The following NCOA7 variants were observed in gnomAD, a reference collection of about 807,000 sequenced individuals.
The protein encoded by NCOA7 is nuclear receptor coactivator 7, also known as 140 kDa estrogen receptor-associated protein.
NCOA7 carries 45 observed loss-of-function variants against 104.3 expected under a neutral mutation model. That is an observed-to-expected ratio of 0.43 (90% CI 0.34 to 0.55). The LOEUF (loss-of-function observed/expected upper bound fraction) is 0.55. Among genes scored for constraint, NCOA7 ranks in the 20% least tolerant of loss-of-function variants. The pLI is 0.02. For missense variants in NCOA7, 1,041 were observed against 1,119.7 expected (o/e 0.93, Z 1.00); for synonymous variants, 398 against 402.3 (o/e 0.99, Z 0.13).
chr6:125,863,954 G>C (rs1782242964), intron 3 of NCOA7, among the ~76,000 whole-genome samples: 1 of 137,742 alleles, frequency 7.3e-6, no homozygotes, highest in South Asian at 2.2e-4. Flanking sequence ...ATGAATTTTG[G>C]GGGAACATAA....
chr6:125,829,878 G>A (rs926591720), intron 2 of NCOA7, among the ~76,000 whole-genome samples: 15 of 152,288 alleles, frequency 9.8e-5, no homozygotes, highest in African/African-American at 3.4e-4. Context: ...ATGTTAACTT[G>A]ATATTTTTCT....
chr6:125,889,713 A>G lies in NCOA7; in HGVS notation c.1659A>G (p.Pro553=). The change falls in exon 9 of 16, where the codon CCA becomes CCG. Residue 553 remains proline, a synonymous_variant. Coordinates refer to ENST00000392477, the MANE Select transcript of NCOA7 (RefSeq NM_181782.5). ...TAAGTGATGGAAAAAGTATTGAACC[A>G]GGGGGAATAGACATTACCCTTAGTA... ...TELSDGKSIE[P]GGIDITLSSS... is the part of the protein sequence containing the mutation. The G allele has an allele frequency of 2.5e-6, 4 of 1,614,068 alleles. No individual in the cohort carries two copies. Among genetic ancestry groups the G allele is most frequent in the Non-Finnish European group, 3.4e-6 (4 of 1,179,980 alleles).
At chr6:125,861,696 C>T (rs769154346) in intron 3 of NCOA7, among the ~76,000 whole-genome samples, 1 of 152,060 alleles carries the variant, frequency 6.6e-6, no homozygotes, top group Non-Finnish European at 1.5e-5. Context: ...AGAGGACAAA[C>T]CTGAGGTGTG....
intron 10 of NCOA7, 150 bp from the exon 11 acceptor site, chr6:125,915,183 A>G: frequency 1.2e-6 from 1 of 860,442 alleles, no homozygotes; most frequent in African/African-American, 1.7e-5. Flanking sequence ...TGAGTATGGA[A>G]GTAGAGATAA....
intron 3 of NCOA7, among the ~76,000 whole-genome samples, chr6:125,866,338 G>GA (rs566386722): frequency 4.8e-5 from 7 of 145,752 alleles, no homozygotes; most frequent in Admixed American, 1.4e-4. Context: ...TCAGAAAAAA[G>GA]AAAAAAAAAA....
intron 10 of NCOA7, among the ~76,000 whole-genome samples, chr6:125,891,415 G>T (rs1363617579): frequency 6.6e-6 from 1 of 152,150 alleles, no homozygotes; most frequent in Non-Finnish European, 1.5e-5. Context: ...ATATCACTGA[G>T]GATGTCTTTA....
chr6:125,836,158 A>G (rs2128597981), intron 2 of NCOA7, among the ~76,000 whole-genome samples: 2 of 152,342 alleles, frequency 1.3e-5, no homozygotes, highest in South Asian at 2.1e-4. Flanking sequence ...AGAAAACTCA[A>G]TTTAGTGTTT....
In NCOA7 at chr6:125,916,556, TA is replaced by T. The variant is rs560411411; in HGVS notation, c.2244+1077del. On this transcript the variant is annotated intron_variant, in intron 11 of 15. Coordinates refer to ENST00000392477, the MANE Select transcript of NCOA7 (RefSeq NM_181782.5). The stretch of plus-strand genomic sequence containing the variant: ...GAGATGAGACTAGGAAAAATAGGTC[TA>T]CCCCTCCTTCCTGTTCTGCTGCTCT... 2.9e-4 allele frequency among the ~76,000 whole-genome samples: 44 copies of T among 152,348 alleles called. No individual in the cohort carries two copies. In the South Asian group the frequency reaches 5.6e-3, roughly 19 times the overall value.
At chr6:125,790,938 CT>C (rs139739737), upstream of NCOA7, 14,706 of 152,952 alleles carry the variant, frequency 0.096, 940 homozygotes, top group Non-Finnish European at 0.15. Context: ...CGGTCCTCCC[CT>C]GACCCCTCCT....
intron 1 of NCOA7, among the ~76,000 whole-genome samples, chr6:125,803,535 C>G (rs1562785871): frequency 6.6e-6 from 1 of 152,140 alleles, no homozygotes. Flanking sequence ...CACATACTCT[C>G]CATGTAAATA....
At chr6:125,821,563 A>G (rs1331420373) in intron 2 of NCOA7, among the ~76,000 whole-genome samples, 1 of 152,192 alleles carries the variant, frequency 6.6e-6, no homozygotes, top group African/African-American at 2.4e-5. Context: ...GGAGAAATGC[A>G]TCATAGGTTC....
rs763904469 is a variant in NCOA7 at position 125,831,695 on chromosome 6, C to T, written c.50+16291C>T. Reference sequence around the variant, plus strand: ...AATAGGATTGGACTAGACCTGTTTTCTCTCTCTTACAGCTTAACTTCACCC... The same window carrying T: ...AATAGGATTGGACTAGACCTGTTTTTTCTCTCTTACAGCTTAACTTCACCC... On this transcript the variant is annotated intron_variant, in intron 2 of 15. Coordinates refer to ENST00000392477, the MANE Select transcript of NCOA7 (RefSeq NM_181782.5). Among the ~76,000 whole-genome samples, 6 of 152,266 alleles carry T rather than the reference C, an allele frequency of 3.9e-5. No individual in the cohort carries two copies. In the South Asian group the frequency reaches 6.2e-4, roughly 16 times the overall value.
intron 11 of NCOA7, among the ~76,000 whole-genome samples, chr6:125,920,107 T>C (rs917204897): frequency 3.9e-5 from 6 of 152,234 alleles, no homozygotes; most frequent in South Asian, 2.1e-4. Flanking sequence ...TGGTAATTCA[T>C]AAGCATAGCT....
rs73773310 is a variant in NCOA7, at chr6:125,856,882, G to A, written c.271+1642G>A. 7.9e-3 allele frequency among the ~76,000 whole-genome samples: 1,196 copies of A among 152,290 alleles called. 7 individuals carry two copies. Among genetic ancestry groups the A allele is most frequent in the African/African-American group, 0.027 (1,129 of 41,536 alleles). On this transcript the variant is annotated intron_variant, in intron 3 of 15. Coordinates refer to ENST00000392477, the MANE Select transcript of NCOA7 (RefSeq NM_181782.5). The stretch of plus-strand genomic sequence containing the variant: ...TAAGGGAAACATACCTTGTATCCAT[G>A]TTTAATGAAACCTTCCAACAGTGTT...
chr6:125,925,492 T>C (rs575061613), intron 13 of NCOA7, among the ~76,000 whole-genome samples: 14 of 152,210 alleles, frequency 9.2e-5, no homozygotes, highest in Non-Finnish European at 2.1e-4. Flanking sequence ...CCAGGCATTG[T>C]TGACAACAAT....
In NCOA7 at chr6:125,927,643, T is replaced by G; in HGVS notation, c.2524-20T>G. On this transcript the variant is annotated intron_variant, in intron 13 of 15. Transcript: ENST00000392477. ...GATTTAGGTTTGAATGTAGGTAACATTTCTGTTTTCTTTTGACAGATTTTT... is the reference window on the plus strand; with the variant it reads ...GATTTAGGTTTGAATGTAGGTAACAGTTCTGTTTTCTTTTGACAGATTTTT... The G allele has an allele frequency of 1.3e-6, 2 of 1,591,034 alleles. No homozygotes were observed. The highest frequency in any genetic ancestry group is 1.7e-6 in the Non-Finnish European group (2 of 1,158,916).
Position 125,812,788 on chromosome 6 carries a change from A to G in NCOA7, c.-64-2503A>G, listed in dbSNP as rs148320952. Among the ~76,000 whole-genome samples, 3 of 152,182 alleles carry G rather than the reference A, an allele frequency of 2.0e-5. 1 individual carries two copies. The highest frequency in any genetic ancestry group is 3.9e-4 in the East Asian group (2 of 5,182). On this transcript the variant is annotated intron_variant, in intron 1 of 15. Transcript: ENST00000392477. ...CATGCAGCCTGCCCTTTTCATGTATATTGTACTAGATCTTCGGTGCCGTAA... is the reference window on the plus strand; with the variant it reads ...CATGCAGCCTGCCCTTTTCATGTATGTTGTACTAGATCTTCGGTGCCGTAA...
rs1385138089 is a variant in NCOA7, at chr6:125,896,035, C to CAT, written c.2096+5233_2096+5234dup. Among the ~76,000 whole-genome samples the CAT allele has an allele frequency of 1.4e-5, 2 of 145,630 alleles. 1 individual carries two copies. Among genetic ancestry groups the CAT allele is most frequent in the East Asian group, 3.9e-4 (2 of 5,084 alleles). On this transcript the variant is annotated intron_variant, in intron 10 of 15. Transcript: ENST00000392477. Reference sequence around the variant, plus strand: ...TAAAATATATATATATTATATAATACATATATATACATAATACATATACAT... The same window carrying CAT: ...TAAAATATATATATATTATATAATACATATATATATACATAATACATATACAT...
intron 2 of NCOA7, among the ~76,000 whole-genome samples, chr6:125,853,986 A>G (rs1781345787): frequency 6.6e-6 from 1 of 152,164 alleles, no homozygotes; most frequent in South Asian, 2.1e-4. Flanking sequence ...TCCTACAGTT[A>G]TCTCATTTTT....
Sources: gnomAD v4.1 joint callset for allele counts (sites outside exome capture counted in the v4.1 genomes callset) on GRCh38, gnomAD v4.1.1 for gene constraint, MANE v1.5 for transcripts, NCBI Gene and HGNC (gene_info 2026-07-23, HGNC 2026-07-21) for gene names.